The following SAMD13 variants were observed in gnomAD, a reference collection of about 807,000 sequenced individuals.
The protein encoded by SAMD13 is sterile alpha motif domain-containing protein 13.
SAMD13 carries 9 observed loss-of-function variants against 12.4 expected under a neutral mutation model. The ratio of observed to expected loss-of-function variants is 0.72; its 90% CI spans 0.44 to 1.26. SAMD13 has a LOEUF of 1.26. Among genes scored for constraint, SAMD13 ranks in the 50% most tolerant of loss-of-function variants. The pLI, the probability that SAMD13 is intolerant of heterozygous loss-of-function variation, is 0.00. For missense variants in SAMD13, 84 were observed against 119.6 expected, an observed-to-expected ratio of 0.70 and a Z score of 1.39; for synonymous variants, 46 against 45.4, an observed-to-expected ratio of 1.01 and a Z score of -0.05.
chr1:84,298,581 C>T (rs139681444), upstream of SAMD13: 128 of 1,285,608 alleles, frequency 1.0e-4, no homozygotes, highest in Middle Eastern at 1.0e-3. Context: ...AGTGATCTGC[C>T]TGTGCGCCCA....
At chr1:84,319,327 T>C (rs1005353487) in intron 2 of SAMD13, among the ~76,000 whole-genome samples, 1 of 152,146 alleles carries the variant, frequency 6.6e-6, no homozygotes, top group Non-Finnish European at 1.5e-5. Context: ...TTGAGTCTGC[T>C]TGAAAGGAGT....
At position 84,349,853 on chromosome 1, in the gene SAMD13, A is replaced by G; in HGVS notation, c.*79A>G. On this transcript the variant is annotated 3_prime_UTR_variant, in exon 4 of 4. Coordinates refer to ENST00000394834, the MANE Select transcript of SAMD13 (RefSeq NM_001134663.2). ...TTTCATGTAATGAAACTTTGTAAAC[A>G]GAATACATACATGTGTATATGTAAA... is the stretch of plus-strand genomic sequence containing the variant. The G allele has an allele frequency of 6.5e-7, 1 of 1,545,950 alleles. No individual in the cohort carries two copies. Among genetic ancestry groups the G allele is most frequent in the South Asian group, 1.3e-5 (1 of 78,814 alleles).
intron 2 of SAMD13, among the ~76,000 whole-genome samples, chr1:84,314,116 A>G (rs180866031): frequency 7.2e-5 from 11 of 152,312 alleles, no homozygotes; most frequent in African/African-American, 2.6e-4. Flanking sequence ...TTATTGTAGA[A>G]TTAAAAGAAC....
intron 3 of SAMD13, among the ~76,000 whole-genome samples, chr1:84,329,108 G>C (rs1679123019): frequency 6.6e-6 from 1 of 152,082 alleles, no homozygotes; most frequent in African/African-American, 2.4e-5. Context: ...GAGGTCATGA[G>C]GATGGAACCC....
upstream of SAMD13, among the ~76,000 whole-genome samples, chr1:84,301,067 G>A (rs1021622495): frequency 1.3e-5 from 2 of 152,166 alleles, no homozygotes; most frequent in Non-Finnish European, 2.9e-5. Context: ...GCTTCATTTG[G>A]CAGGATAAAT....
chr1:84,334,108 G>C (rs915379107), intron 3 of SAMD13, among the ~76,000 whole-genome samples: 8 of 152,024 alleles, frequency 5.3e-5, no homozygotes, highest in African/African-American at 1.9e-4. Context: ...AAATTTTTGG[G>C]AATAGTTTCA....
At chr1:84,325,552 CCTGT>C in intron 2 of SAMD13, 81 bp from the exon 3 acceptor site, 1 of 771,852 alleles carries the variant, frequency 1.3e-6, no homozygotes, top group Non-Finnish European at 2.3e-6. Flanking sequence ...ACATGAAAGG[CCTGT>C]CCCAGAAGAC....
Position 84,350,125 on chromosome 1 carries a change from A to G in SAMD13, c.*351A>G, listed in dbSNP as rs1354968772. On this transcript the variant is annotated 3_prime_UTR_variant, in exon 4 of 4. Coordinates refer to ENST00000394834, the MANE Select transcript of SAMD13 (RefSeq NM_001134663.2). ...TTAAAAAAGAATTTAATTAAATGAC[A>G]GTCTTTTGGTTACAGACTTAGGATG... The G allele has an allele frequency of 5.8e-6, 1 of 172,308 alleles. No individual in the cohort carries two copies. Among genetic ancestry groups the G allele is most frequent in the Non-Finnish European group, 1.2e-5 (1 of 84,220 alleles). 10.7% of individuals were successfully genotyped at this position (172,308 alleles called of 1,614,324 possible). A position where few individuals can be genotyped will look rare whatever the true frequency, so the allele number is the denominator to read the frequency against.
intron 2 of SAMD13, among the ~76,000 whole-genome samples, chr1:84,317,286 T>C (rs541387691): frequency 6.6e-6 from 1 of 152,248 alleles, no homozygotes; most frequent in African/African-American, 2.4e-5. Flanking sequence ...TCGTTCCTGA[T>C]CTTAATGGAA....
upstream of SAMD13, chr1:84,299,661 A>G (rs560826381): frequency 0.011 from 9,786 of 905,064 alleles, 482 homozygotes; most frequent in African/African-American, 0.13. Context: ...ACTAGTGTAT[A>G]TATATATATA....
intron 2 of SAMD13, among the ~76,000 whole-genome samples, chr1:84,311,332 TAAAAA>T (rs757714939): frequency 5.7e-4 from 64 of 112,238 alleles, no homozygotes; most frequent in South Asian, 2.4e-3. Flanking sequence ...TGAGACTGTC[TAAAAA>T]AAAAAAAAAA....
At chr1:84,308,444 A>G (rs1678633303) in intron 2 of SAMD13, among the ~76,000 whole-genome samples, 2 of 152,192 alleles carry the variant, frequency 1.3e-5, no homozygotes, top group Admixed American at 6.5e-5. Context: ...AGCCTTGACA[A>G]TCAAAAATGT....
At chr1:84,326,418 A>G (rs1036968113) in intron 3 of SAMD13, among the ~76,000 whole-genome samples, 25 of 152,118 alleles carry the variant, frequency 1.6e-4, no homozygotes, top group Non-Finnish European at 3.5e-4. Context: ...AAAAAATGGG[A>G]TTTCCTTTTC....
chr1:84,299,068 C>T (rs1008843847), upstream of SAMD13, among the ~76,000 whole-genome samples: 11 of 152,238 alleles, frequency 7.2e-5, no homozygotes, highest in African/African-American at 2.2e-4. Context: ...CCTACCGTCC[C>T]CTTCTCAGGC....
At chr1:84,339,545 C>A (rs910552824) in intron 3 of SAMD13, among the ~76,000 whole-genome samples, 2 of 152,098 alleles carry the variant, frequency 1.3e-5, no homozygotes, top group Non-Finnish European at 2.9e-5. Flanking sequence ...TGGTTAGCAA[C>A]CTGCTTTACT....
chr1:84,339,448 G>T (rs144245470), intron 3 of SAMD13, among the ~76,000 whole-genome samples: 229 of 152,104 alleles, frequency 1.5e-3, no homozygotes, highest in Middle Eastern at 6.8e-3. Context: ...ATTTTAGGGG[G>T]ACAAGGCTCA....
intron 2 of SAMD13, among the ~76,000 whole-genome samples, chr1:84,321,449 C>T (rs1678942079): frequency 6.6e-6 from 1 of 151,972 alleles, no homozygotes; most frequent in South Asian, 2.1e-4. Context: ...AAACATTTTG[C>T]TATGACGTTA....
chr1:84,299,528 C>A, upstream of SAMD13: 3 of 1,285,624 alleles, frequency 2.3e-6, no homozygotes, highest in Non-Finnish European at 2.1e-6. Flanking sequence ...ACCACACCCA[C>A]ACACAAAGTA....
intron 2 of SAMD13, among the ~76,000 whole-genome samples, chr1:84,311,332 TAAAAAAAAAAA>T (rs757714939): frequency 8.9e-6 from 1 of 112,248 alleles, no homozygotes; most frequent in Admixed American, 1.0e-4. Flanking sequence ...TGAGACTGTC[TAAAAAAAAAAA>T]AAAAAAAGAA....
Sources: allele counts gnomAD v4.1 joint callset (sites outside exome capture counted in the v4.1 genomes callset), GRCh38; gene constraint gnomAD v4.1.1; transcripts MANE v1.5; gene names NCBI Gene and HGNC (gene_info 2026-07-23, HGNC 2026-07-21).